Variants in PTBP2 observed in about 807,000 individuals in gnomAD.
The protein encoded by PTBP2 is polypyrimidine tract binding protein 2, also known as polypyrimidine tract-binding protein 2.
In PTBP2, 13 loss-of-function variants were observed where a neutral mutation model predicts 61.4. The ratio of observed to expected loss-of-function variants is 0.21; its 90% confidence interval spans 0.14 to 0.34. The LOEUF (loss-of-function observed/expected upper bound fraction) is 0.34, where lower values mean the gene tolerates loss of function less well. Ranked by LOEUF, PTBP2 falls within the 10% of genes least tolerant of loss-of-function variation. PTBP2 has a pLI of 1.00. For synonymous variants in PTBP2, 215 were observed against 218.5 expected (o/e 0.98, Z 0.14); for missense variants, 405 against 642.6 (o/e 0.63, Z 4.00).
At chr1:96,767,717 C>T (rs1001220595) in intron 3 of PTBP2, among the ~76,000 whole-genome samples, 8 of 152,034 alleles carry the variant, frequency 5.3e-5, no homozygotes, top group African/African-American at 7.2e-5. Context: ...TTTCAATTAA[C>T]GGGCCTAGAG....
rs1211691734 is a variant in PTBP2 at position 96,813,611 on chromosome 1, T to A, written c.*206T>A. The A allele has an allele frequency of 5.0e-6, 2 of 402,206 alleles. No homozygotes were observed. Among genetic ancestry groups the A allele is most frequent in the Non-Finnish European group, 8.6e-6 (2 of 233,766 alleles). The allele number at this position is 402,206 out of a possible 1,614,324, so 24.9% of individuals were successfully genotyped here. A position where few individuals can be genotyped will look rare whatever the true frequency, so the allele number is the denominator to read the frequency against. ...GAGTTGTTAACTGCTATATTTCATCTGTTCTATAGGGAAGCCATTTTGTCT... is the reference window on the plus strand; with the variant it reads ...GAGTTGTTAACTGCTATATTTCATCAGTTCTATAGGGAAGCCATTTTGTCT... On this transcript the variant is annotated 3_prime_UTR_variant, in exon 14 of 14. Transcript: ENST00000674951.
chr1:96,786,617 A>G (rs550398427), intron 8 of PTBP2, among the ~76,000 whole-genome samples: 13 of 152,320 alleles, frequency 8.5e-5, no homozygotes, highest in South Asian at 8.3e-4. Context: ...GAAAGAATCA[A>G]AATTTATTGA....
intron 9 of PTBP2, 61 bp downstream of exon 9, chr1:96,805,000 A>G: frequency 1.4e-6 from 2 of 1,389,464 alleles, no homozygotes; most frequent in Non-Finnish European, 9.6e-7. Context: ...AAAGTTTTTC[A>G]TGTTTATTTC....
intron 8 of PTBP2, among the ~76,000 whole-genome samples, chr1:96,803,683 A>G (rs1661241212): frequency 1.3e-5 from 2 of 152,176 alleles, no homozygotes; most frequent in African/African-American, 4.8e-5. Flanking sequence ...GACTTAAAAG[A>G]GTAAGATCTC....
intron 8 of PTBP2, among the ~76,000 whole-genome samples, chr1:96,795,709 G>A (rs540142126): frequency 1.3e-5 from 2 of 152,282 alleles, no homozygotes; most frequent in South Asian, 4.1e-4. Context: ...ATATAAACGT[G>A]ATAAGAAAGT....
In PTBP2 at chr1:96,796,810, G is replaced by A. The variant is rs1048197168; in HGVS notation, c.905-7990G>A. On this transcript the variant is annotated intron_variant, in intron 8 of 13. Coordinates refer to ENST00000674951, the MANE Select transcript of PTBP2 (RefSeq NM_021190.4). ...CAAGTCAAGGGAGAATAGAAAGGGG[G>A]TCACCATAAAGGTCAAAAGTGGGTT... Among the ~76,000 whole-genome samples the A allele has an allele frequency of 6.6e-5, 10 of 152,226 alleles. No individual in the cohort carries two copies. The East Asian group carries it at 1.7e-3, about 27-fold the overall frequency.
intron 2 of PTBP2, among the ~76,000 whole-genome samples, chr1:96,738,738 A>G (rs931136274): frequency 1.3e-5 from 2 of 152,204 alleles, no homozygotes; most frequent in African/African-American, 4.8e-5. Flanking sequence ...CAATTCAAAT[A>G]TATGTCGGTT....
chr1:96,743,704 AAT>A (rs1336320621), intron 2 of PTBP2, among the ~76,000 whole-genome samples: 5 of 152,294 alleles, frequency 3.3e-5, no homozygotes, highest in African/African-American at 1.2e-4. Context: ...CAGTATAATC[AAT>A]ATGAGTTCCT....
rs886412403 is a variant in PTBP2 at position 96,813,939 on chromosome 1, G to C, written c.*534G>C. ...TTGAAAGAATAAAGCAGCATTTTTA[G>C]TTTTTACTACCTTAGGCTTTATTGC... On this transcript the variant is annotated 3_prime_UTR_variant, in exon 14 of 14. Transcript: ENST00000674951. The C allele has an allele frequency of 3.3e-5, 5 of 152,232 alleles. No homozygotes were observed. Among genetic ancestry groups the C allele is most frequent in the Non-Finnish European group, 7.4e-5 (5 of 67,878 alleles). 9.4% of individuals were successfully genotyped at this position (152,232 alleles called of 1,614,324 possible).
chr1:96,758,823 A>G (rs1351323612), intron 3 of PTBP2, among the ~76,000 whole-genome samples: 1 of 152,244 alleles, frequency 6.6e-6, no homozygotes, highest in East Asian at 1.9e-4. Flanking sequence ...AAGGCAGGTG[A>G]AATAAAAGAC....
intron 2 of PTBP2, 119 bp downstream of exon 2, chr1:96,723,713 T>G: frequency 1.2e-6 from 1 of 833,156 alleles, no homozygotes; most frequent in Non-Finnish European, 1.9e-6. Context: ...GTGTAAAATG[T>G]TTCCTTTCAT....
intron 9 of PTBP2, 76 bp downstream of exon 9, chr1:96,805,015 T>A: frequency 3.2e-6 from 4 of 1,265,436 alleles, no homozygotes. Context: ...TATTTCATTT[T>A]GCACTTGCCT....
chr1:96,791,971 C>CT (rs1659887815), intron 8 of PTBP2, among the ~76,000 whole-genome samples: 1 of 151,398 alleles, frequency 6.6e-6, no homozygotes, highest in Non-Finnish European at 1.5e-5. Context: ...GTAGCTGGGA[C>CT]TACAGGCGCA....
intron 8 of PTBP2, among the ~76,000 whole-genome samples, chr1:96,788,376 GAC>G (rs2101087269): frequency 6.6e-6 from 1 of 152,106 alleles, no homozygotes; most frequent in East Asian, 1.9e-4. Context: ...AGGACATGAA[GAC>G]ACAATTTTCT....
At chr1:96,759,261 A>G (rs915715359) in intron 3 of PTBP2, among the ~76,000 whole-genome samples, 8 of 152,238 alleles carry the variant, frequency 5.3e-5, no homozygotes, top group Non-Finnish European at 8.8e-5. Flanking sequence ...AGTACATTCT[A>G]AAATTTATGT....
At chr1:96,752,692 G>A (rs1159773523) in intron 3 of PTBP2, among the ~76,000 whole-genome samples, 1 of 152,008 alleles carries the variant, frequency 6.6e-6, no homozygotes, top group African/African-American at 2.4e-5. Flanking sequence ...TACTGTGATC[G>A]ATAATGGGAA....
intron 7 of PTBP2, among the ~76,000 whole-genome samples, chr1:96,783,953 T>C (rs1658955377): frequency 6.6e-6 from 1 of 152,108 alleles, no homozygotes; most frequent in South Asian, 2.1e-4. Flanking sequence ...TTGAATTATT[T>C]TCTAGGTTAG....
At chr1:96,726,360 C>CCT (rs1335168517) in intron 2 of PTBP2, among the ~76,000 whole-genome samples, 1 of 150,408 alleles carries the variant, frequency 6.6e-6, no homozygotes, top group Non-Finnish European at 1.5e-5. Context: ...GCAACCTCTG[C>CCT]CTCCTGGGTT....
rs1283384393 is a variant in PTBP2 at position 96,733,415 on chromosome 1, A to C, written c.39+9821A>C. Among the ~76,000 whole-genome samples the C allele has an allele frequency of 3.3e-5, 5 of 152,210 alleles. No individual in the cohort carries two copies. In the East Asian group the frequency reaches 9.6e-4, roughly 29 times the overall value. On this transcript the variant is annotated intron_variant, in intron 2 of 13. Coordinates refer to ENST00000674951, the MANE Select transcript of PTBP2 (RefSeq NM_021190.4). ...AAGGGCTTTGCTGGAATGGTGGCTC[A>C]CACCTGTAATCCCAGAACTTAGGGA...
Sources: allele counts gnomAD v4.1 joint callset (sites outside exome capture counted in the v4.1 genomes callset), GRCh38; gene constraint gnomAD v4.1.1; transcripts MANE v1.5; gene names NCBI Gene and HGNC (gene_info 2026-07-23, HGNC 2026-07-21).